The following PIK3C2G variants were observed in gnomAD, a reference collection of about 807,000 sequenced individuals.
PIK3C2G encodes phosphatidylinositol-4-phosphate 3-kinase catalytic subunit type 2 gamma, also known as phosphatidylinositol 3-kinase C2 domain-containing subunit gamma.
In PIK3C2G, 168 loss-of-function variants were observed where a neutral mutation model predicts 181.1. That is an observed-to-expected ratio of 0.93 (90% CI 0.82 to 1.05). The LOEUF is 1.05. PIK3C2G is among the 50% of genes least tolerant of loss of function. The pLI, the probability that PIK3C2G is intolerant of heterozygous loss-of-function variation, is 0.00. For synonymous variants in PIK3C2G, 573 were observed against 592.2 expected, an observed-to-expected ratio of 0.97 and a Z score of 0.47; for missense variants, 1,869 against 1,732.8, an observed-to-expected ratio of 1.08 and a Z score of -1.40.
chr12:18,302,830 T>C (rs935228629), intron 5 of PIK3C2G, among the ~76,000 whole-genome samples: 15 of 152,158 alleles, frequency 9.9e-5, no homozygotes, highest in African/African-American at 3.6e-4. Flanking sequence ...GATGCAGTGA[T>C]TCCCAGCCCC....
Position 18,562,844 on chromosome 12 carries a change from G to C in PIK3C2G, c.3732G>C (p.Arg1244Ser). 6.2e-7 allele frequency: 1 copy of C among 1,606,998 alleles called. No individual in the cohort carries two copies. ...PQESCLLSTT[R>S]SIERATILGF... ...AATCCTGTTTGCTGAGTACAACTAG[G>C]TCGATTGAAAGAGCAACAATTTTAG... is the stretch of plus-strand genomic sequence containing the variant. The change falls in exon 27 of 33, where the codon AGG (arginine) becomes AGC (serine). Residue 1244 changes from arginine to serine, a missense_variant. By Grantham distance (110) the Arg-to-Ser change is moderately radical. Transcript: ENST00000538779.
Position 18,323,383 on chromosome 12 carries a change from G to A in PIK3C2G, c.1209-1652G>A, listed in dbSNP as rs115141294. ...TGTGGTAAGGAAACTAAAAACAGAA[G>A]TTCAAACACTTGGCAACCATCACAC... On this transcript the variant is annotated intron_variant, in intron 7 of 32. Transcript: ENST00000538779. 8.1e-3 allele frequency among the ~76,000 whole-genome samples: 1,227 copies of A among 152,258 alleles called. 15 individuals are homozygous for A. The highest frequency in any genetic ancestry group is 0.028 in the African/African-American group (1,160 of 41,530).
chr12:18,618,854 T>C (rs376761746), intron 31 of PIK3C2G, among the ~76,000 whole-genome samples: 1 of 152,030 alleles, frequency 6.6e-6, no homozygotes. Flanking sequence ...AGAATGAAGA[T>C]GACAGTGAAC....
At chr12:18,520,002 T>TAAAAAAAAAAAAA (rs889312316) in intron 24 of PIK3C2G, among the ~76,000 whole-genome samples, 3 of 46,306 alleles carry the variant, frequency 6.5e-5, no homozygotes, top group Admixed American at 2.4e-4. Flanking sequence ...CAATAAATAC[T>TAAAAAAAAAAAAA]AAAAAAAAAA....
chr12:18,532,054 A>AT (rs537755824), intron 24 of PIK3C2G, among the ~76,000 whole-genome samples: 4 of 152,098 alleles, frequency 2.6e-5, no homozygotes, highest in African/African-American at 9.6e-5. Context: ...TTGTTTTATT[A>AT]TTTTTTATCT....
intron 16 of PIK3C2G, among the ~76,000 whole-genome samples, chr12:18,413,326 G>A (rs1378374410): frequency 6.6e-6 from 1 of 152,074 alleles, no homozygotes; most frequent in Non-Finnish European, 1.5e-5. Flanking sequence ...ACACATTTGG[G>A]AAAATAAATT....
chr12:18,460,690 A>C (rs1317931643), intron 18 of PIK3C2G, among the ~76,000 whole-genome samples: 1 of 150,490 alleles, frequency 6.6e-6, no homozygotes, highest in African/African-American at 2.4e-5. Context: ...CACTCAGTAC[A>C]TCTTAGCTAT....
At chr12:18,306,737 C>T (rs1467367941) in intron 5 of PIK3C2G, among the ~76,000 whole-genome samples, 1 of 151,940 alleles carries the variant, frequency 6.6e-6, no homozygotes, top group Non-Finnish European at 1.5e-5. Context: ...TTATATTCAC[C>T]TTACATTTCT....
At chr12:18,402,646 T>C (rs11044079) in intron 16 of PIK3C2G, among the ~76,000 whole-genome samples, 19,038 of 152,148 alleles carry the variant, frequency 0.13, 1,227 homozygotes, top group African/African-American at 0.14. Context: ...GTTCATGGAA[T>C]ATTTTTTAGA....
At chr12:18,518,770 CT>C (rs1309757847) in intron 24 of PIK3C2G, among the ~76,000 whole-genome samples, 4 of 152,072 alleles carry the variant, frequency 2.6e-5, no homozygotes, top group Non-Finnish European at 5.9e-5. Context: ...TGTCTTCTAG[CT>C]TTTTGATTAG....
At chr12:18,629,741 G>C (rs1186881641) in intron 31 of PIK3C2G, among the ~76,000 whole-genome samples, 1 of 152,096 alleles carries the variant, frequency 6.6e-6, no homozygotes, top group Non-Finnish European at 1.5e-5. Context: ...TGATGTGCAG[G>C]AGAAAGTCAC....
chr12:18,483,923 T>A (rs1381172450), intron 18 of PIK3C2G, among the ~76,000 whole-genome samples: 1 of 152,176 alleles, frequency 6.6e-6, no homozygotes, highest in Non-Finnish European at 1.5e-5. Flanking sequence ...AATGCTCAGC[T>A]TGGCTCCACA....
the PIK3C2G span, among the ~76,000 whole-genome samples, chr12:18,699,290 A>G: frequency 6.6e-6 from 1 of 152,124 alleles, no homozygotes; most frequent in Non-Finnish European, 1.5e-5. Context: ...TATTAAATCC[A>G]CAAAGTTCAT....
At chr12:18,254,402 A>AT (rs1468243510) in intron 1 of PIK3C2G, among the ~76,000 whole-genome samples, 1 of 152,076 alleles carries the variant, frequency 6.6e-6, no homozygotes, top group Admixed American at 6.5e-5. Context: ...TAATCTAATG[A>AT]TTAGTAGCAT....
Position 18,468,308 on chromosome 12 carries a change from G to A in PIK3C2G, c.2505-20141G>A, listed in dbSNP as rs542951519. On this transcript the variant is annotated intron_variant, in intron 18 of 32. Transcript: ENST00000538779. ...CCTTGGTTAAAGAATCCATTCCAAT[G>A]CAGAATTCCCACTGACACATCACAG... is the stretch of plus-strand genomic sequence containing the variant. Among the ~76,000 whole-genome samples, 27 of 152,112 alleles carry A rather than the reference G, an allele frequency of 1.8e-4. No individual in the cohort carries two copies. In the South Asian group the frequency reaches 4.6e-3, roughly 26 times the overall value.
Position 18,336,774 on chromosome 12 carries a change from G to A in PIK3C2G, c.1273-1652G>A, listed in dbSNP as rs117827853. 6.6e-3 allele frequency among the ~76,000 whole-genome samples: 1,001 copies of A among 152,086 alleles called. 1 individual carries two copies. The highest frequency in any genetic ancestry group is 0.01 in the Middle Eastern group (3 of 294). ...TTTTAGCTCATTAATAAAATCTGTGGACAATTTTTGGAATCCTCACTTTGT... is the reference window on the plus strand; with the variant it reads ...TTTTAGCTCATTAATAAAATCTGTGAACAATTTTTGGAATCCTCACTTTGT... On this transcript the variant is annotated intron_variant, in intron 8 of 32. Transcript: ENST00000538779.
At chr12:18,472,980 G>A (rs992705027) in intron 18 of PIK3C2G, among the ~76,000 whole-genome samples, 3 of 152,122 alleles carry the variant, frequency 2.0e-5, no homozygotes, top group Admixed American at 6.6e-5. Flanking sequence ...GATTACAGGC[G>A]TGAGCCGTCG....
chr12:18,679,229 T>C, the PIK3C2G span, among the ~76,000 whole-genome samples: 1 of 152,000 alleles, frequency 6.6e-6, no homozygotes, highest in African/African-American at 2.4e-5. Context: ...AGTCCTTTGA[T>C]ATATATATAG....
the PIK3C2G span, chr12:18,687,969 T>A: frequency 1.5e-6 from 2 of 1,352,008 alleles, no homozygotes; most frequent in Non-Finnish European, 2.0e-6. Flanking sequence ...ATTTTGGACA[T>A]AATGGAAAAC....
Sources: gnomAD v4.1 joint callset for allele counts (sites outside exome capture counted in the v4.1 genomes callset) on GRCh38, gnomAD v4.1.1 for gene constraint, MANE v1.5 for transcripts, NCBI Gene and HGNC (gene_info 2026-07-23, HGNC 2026-07-21) for gene names.